The following KLHL5 variants were observed in gnomAD, a reference collection of about 807,000 sequenced individuals.
The protein encoded by KLHL5 is kelch-like protein 5.
In KLHL5, 48 loss-of-function variants were observed where a neutral mutation model predicts 77.7. The ratio of observed to expected loss-of-function variants is 0.62; its 90% CI spans 0.49 to 0.79. The LOEUF (loss-of-function observed/expected upper bound fraction) is 0.79, where lower values mean the gene tolerates loss of function less well. Ranked by LOEUF, KLHL5 falls within the 30% of genes least tolerant of loss-of-function variation. The pLI is 0.00. For synonymous variants in KLHL5, 260 were observed against 297.0 expected, an observed-to-expected ratio of 0.88 and a Z score of 1.28; for missense variants, 723 against 859.7, an observed-to-expected ratio of 0.84 and a Z score of 1.99.
intron 10 of KLHL5, chr4:39,115,734 T>C: frequency 8.8e-7 from 1 of 1,137,070 alleles, no homozygotes; most frequent in Non-Finnish European, 1.1e-6. Flanking sequence ...AACCCATTGA[T>C]ATCTGGGAGC....
the KLHL5 span, among the ~76,000 whole-genome samples, chr4:39,132,788 A>G: frequency 6.6e-6 from 1 of 152,212 alleles, no homozygotes; most frequent in Non-Finnish European, 1.5e-5. Flanking sequence ...TCTCATTCAT[A>G]TTCCCTTCAA....
the KLHL5 span, among the ~76,000 whole-genome samples, chr4:39,136,112 G>C: frequency 6.6e-6 from 1 of 151,404 alleles, no homozygotes; most frequent in Admixed American, 6.6e-5. Context: ...AACATAGATA[G>C]TACTTAAATA....
intron 4 of KLHL5, among the ~76,000 whole-genome samples, chr4:39,082,852 C>T (rs374481952): frequency 3.9e-5 from 6 of 152,224 alleles, no homozygotes; most frequent in African/African-American, 1.4e-4. Context: ...TAGGACCACC[C>T]TCTGTGGTCT....
upstream of KLHL5, among the ~76,000 whole-genome samples, chr4:39,060,300 G>A (rs918151866): frequency 1.2e-4 from 18 of 152,182 alleles, 1 homozygote; most frequent in South Asian, 1.7e-3. Flanking sequence ...CAAGCTTGGC[G>A]TCAGCAATGA....
At chr4:39,059,634 G>A (rs1717248340), upstream of KLHL5, among the ~76,000 whole-genome samples, 1 of 152,124 alleles carries the variant, frequency 6.6e-6, no homozygotes, top group African/African-American at 2.4e-5. Flanking sequence ...TGTAATCCCA[G>A]CTACTCAGGA....
intron 7 of KLHL5, 82 bp downstream of exon 7, chr4:39,103,593 G>GT: frequency 9.0e-7 from 1 of 1,107,794 alleles, no homozygotes; most frequent in Non-Finnish European, 1.3e-6. Context: ...CAGAGGACCC[G>GT]TGTGGCAGCC....
chr4:39,116,652 T>C (rs1307422572), intron 10 of KLHL5, among the ~76,000 whole-genome samples: 2 of 127,434 alleles, frequency 1.6e-5, no homozygotes, highest in Admixed American at 8.6e-5. Context: ...GTAATACGTA[T>C]TGAAGTATGA....
rs186336594 is a variant in KLHL5 at position 39,051,754 on chromosome 4, T to G, written c.-95+6658T>G. 2.5e-4 allele frequency among the ~76,000 whole-genome samples: 38 copies of G among 152,322 alleles called. No homozygotes were observed. The East Asian group carries it at 7.1e-3, about 29-fold the overall frequency. On this transcript the variant is annotated intron_variant, in intron 1 of 11. Transcript: ENST00000261425. ...ACAAACCAGGTCCCACAGGAGCCAG[T>G]GTCTCTTACACAACTCCATAGACTG... is the stretch of plus-strand genomic sequence containing the variant.
intron 4 of KLHL5, among the ~76,000 whole-genome samples, chr4:39,082,861 C>T (rs1223165632): frequency 6.6e-6 from 1 of 151,924 alleles, no homozygotes; most frequent in Non-Finnish European, 1.5e-5. Flanking sequence ...CCTCTGTGGT[C>T]TTAACAGTAG....
At chr4:39,089,193 T>C (rs1285640875) in intron 5 of KLHL5, among the ~76,000 whole-genome samples, 1 of 152,072 alleles carries the variant, frequency 6.6e-6, no homozygotes, top group Non-Finnish European at 1.5e-5. Flanking sequence ...ATTACCAGAC[T>C]CAAGAGCTAT....
intron 1 of KLHL5, among the ~76,000 whole-genome samples, chr4:39,052,216 G>A (rs1437018074): frequency 6.6e-6 from 1 of 152,076 alleles, no homozygotes; most frequent in Non-Finnish European, 1.5e-5. Flanking sequence ...CGCCTCTCAG[G>A]TTCAAGTGAT....
rs147454405 is a variant in KLHL5 at position 39,083,158 on chromosome 4, T to C, written c.900+999T>C. On this transcript the variant is annotated intron_variant, in intron 4 of 10. Transcript: ENST00000504108. ...GAGATTGAGAGTGCTTTAGGAATCT[T>C]TCATTAGAGAAATAGAGATTTGGAA... 1.6e-3 allele frequency among the ~76,000 whole-genome samples: 249 copies of C among 152,296 alleles called. 1 individual carries two copies. The highest frequency in any genetic ancestry group is 5.7e-3 in the African/African-American group (239 of 41,566).
At chr4:39,049,948 G>A (rs922768210) in intron 1 of KLHL5, among the ~76,000 whole-genome samples, 11 of 151,944 alleles carry the variant, frequency 7.2e-5, no homozygotes, top group Admixed American at 6.6e-5. Context: ...CATGGTGCAC[G>A]CCTGTAATCC....
At chr4:39,102,471 C>T (rs1486970403) in intron 6 of KLHL5, among the ~76,000 whole-genome samples, 2 of 150,858 alleles carry the variant, frequency 1.3e-5, no homozygotes, top group Admixed American at 6.6e-5. Context: ...CCAAAGTACC[C>T]GATCCGTACT....
chr4:39,051,588 T>C (rs1018057304), intron 1 of KLHL5, among the ~76,000 whole-genome samples: 5 of 152,204 alleles, frequency 3.3e-5, no homozygotes, highest in Non-Finnish European at 7.3e-5. Context: ...GCATCAAATG[T>C]TCCTCCTCAG....
At chr4:39,077,529 A>G (rs1407205299) in intron 2 of KLHL5, among the ~76,000 whole-genome samples, 2 of 152,084 alleles carry the variant, frequency 1.3e-5, no homozygotes, top group African/African-American at 4.8e-5. Context: ...CCACAAGGCA[A>G]TACCACCTTA....
In KLHL5 at chr4:39,122,959, C is replaced by T. The variant is rs1459042697; in HGVS notation, c.*1893C>T. On this transcript the variant is annotated 3_prime_UTR_variant, in exon 11 of 11. Transcript: ENST00000504108. ...TTGGTTCCTTAGTATTTAGGGAAGA[C>T]TTTTGTTTAAATCTCTTATGGAATT... 6.6e-6 allele frequency among the ~76,000 whole-genome samples: 1 copy of T among 152,008 alleles called. No individual in the cohort carries two copies. Among genetic ancestry groups the T allele is most frequent in the Non-Finnish European group, 1.5e-5 (1 of 68,014 alleles).
At chr4:39,075,873 A>G in intron 1 of KLHL5, 92 bp from the exon 2 acceptor site, 4 of 1,004,610 alleles carry the variant, frequency 4.0e-6, no homozygotes, top group Non-Finnish European at 6.0e-6. Flanking sequence ...GATTTCTTCT[A>G]TTACATTTGA....
At chr4:39,077,252 A>AT (rs1719146514) in intron 2 of KLHL5, among the ~76,000 whole-genome samples, 1 of 151,896 alleles carries the variant, frequency 6.6e-6, no homozygotes, top group African/African-American at 2.4e-5. Context: ...AGGTCAGGAG[A>AT]TTGAGACCAT....
Sources: gnomAD v4.1 joint callset for allele counts (sites outside exome capture counted in the v4.1 genomes callset) on GRCh38, gnomAD v4.1.1 for gene constraint, MANE v1.5 for transcripts, NCBI Gene and HGNC (gene_info 2026-07-23, HGNC 2026-07-21) for gene names.